The following LEP variants were observed in gnomAD, a reference collection of about 807,000 sequenced individuals.
LEP encodes the protein leptin.
In LEP, 6 loss-of-function variants were observed where a neutral mutation model predicts 9.8. The observed-to-expected ratio is 0.61, with a 90% CI of 0.34 to 1.21. The LOEUF is 1.21. LEP is among the 50% of genes most tolerant of loss of function. The pLI is 0.04. For synonymous variants in LEP, 112 were observed against 81.7 expected (o/e 1.37, Z -2.00); for missense variants, 134 against 198.1 (o/e 0.68, Z 1.94).
At position 128,254,859 on chromosome 7, in the gene LEP, C is replaced by G. The variant is rs1186604549; in HGVS notation, c.*96C>G. 2 of 1,354,390 alleles carry G rather than the reference C, an allele frequency of 1.5e-6. No individual in the cohort carries two copies. The highest frequency in any genetic ancestry group is 4.7e-5 in the East Asian group (2 of 42,576). The allele number at this position is 1,354,390 out of a possible 1,614,324, so 83.9% of individuals were successfully genotyped here. A position where few individuals can be genotyped will look rare whatever the true frequency, so the allele number is the denominator to read the frequency against. ...GATTGAAGAGCATTGCATGGACACC[C>G]CTTATCCAGGACTCTGTCAATTTCC... On this transcript the variant is annotated 3_prime_UTR_variant, in exon 3 of 3. Transcript: ENST00000308868.
In LEP at chr7:128,254,122, TG is replaced by T. The variant is rs1277468320; in HGVS notation, c.145-280del. The stretch of plus-strand genomic sequence containing the variant: ...TAAATAAAACATATGAAACCATGGC[TG>T]GTTCTTCAGCAGAGGCCATGTAGAG... On this transcript the variant is annotated intron_variant, in intron 2 of 2. Coordinates refer to ENST00000308868, the MANE Select transcript of LEP (RefSeq NM_000230.3). Among the ~76,000 whole-genome samples, 25 of 152,206 alleles carry T rather than the reference TG, an allele frequency of 1.6e-4. 1 individual carries two copies. The East Asian group carries it at 4.3e-3, about 26-fold the overall frequency.
At chr7:128,248,223 G>A (rs572411756) in intron 1 of LEP, among the ~76,000 whole-genome samples, 1 of 152,314 alleles carries the variant, frequency 6.6e-6, no homozygotes, top group Non-Finnish European at 1.5e-5. Flanking sequence ...ATGAGGTCAG[G>A]AGTTCGAGAC....
At chr7:128,243,488 G>A (rs1004414584) in intron 1 of LEP, among the ~76,000 whole-genome samples, 21 of 152,134 alleles carry the variant, frequency 1.4e-4, no homozygotes, top group Non-Finnish European at 2.5e-4. Context: ...AAGGGGCCAC[G>A]GGCGGGAGTA....
At chr7:128,251,774 GT>G (rs2116221416) in intron 1 of LEP, among the ~76,000 whole-genome samples, 1 of 152,312 alleles carries the variant, frequency 6.6e-6, no homozygotes, top group Non-Finnish European at 1.5e-5. Context: ...ATACCTCATG[GT>G]GGTTTTATTG....
At chr7:128,244,362 C>T (rs1421191569) in intron 1 of LEP, among the ~76,000 whole-genome samples, 1 of 152,122 alleles carries the variant, frequency 6.6e-6, no homozygotes, top group African/African-American at 2.4e-5. Context: ...AAGAATGTAA[C>T]CCCTGTACTC....
Position 128,241,634 on chromosome 7 carries a change from C to G in LEP, c.-29+328C>G, listed in dbSNP as rs566092459. Among the ~76,000 whole-genome samples, 3 of 152,322 alleles carry G rather than the reference C, an allele frequency of 2.0e-5. No homozygotes were observed. In the South Asian group the frequency reaches 6.2e-4, roughly 32 times the overall value. ...GCATTGGAAATTGCCTTGGGCACAT[C>G]CCCAAAGATCAGGATGTCCCACCCC... On this transcript the variant is annotated intron_variant, in intron 1 of 2. Transcript: ENST00000308868.
chr7:128,252,216 C>T (rs1272319964), intron 2 of LEP, 54 bp downstream of exon 2: 21 of 1,586,568 alleles, frequency 1.3e-5, no homozygotes, highest in Non-Finnish European at 1.8e-5. Flanking sequence ...AGCACTGGCT[C>T]CTAGTGGCAC....
Position 128,246,572 on chromosome 7 carries a change from G to A in LEP, c.-29+5266G>A, listed in dbSNP as rs1795213569. ...GGGCTCAGGCAAACCTCCCACCTTG[G>A]CCTCCCAAGTAGCTGGGACCACAAG... On this transcript the variant is annotated intron_variant, in intron 1 of 2. Coordinates refer to ENST00000308868, the MANE Select transcript of LEP (RefSeq NM_000230.3). Among the ~76,000 whole-genome samples, 2 of 152,044 alleles carry A rather than the reference G, an allele frequency of 1.3e-5. 1 individual carries two copies. Among genetic ancestry groups the A allele is most frequent in the South Asian group, 4.2e-4 (2 of 4,806 alleles).
At chr7:128,244,612 A>C (rs911553795) in intron 1 of LEP, among the ~76,000 whole-genome samples, 1 of 152,244 alleles carries the variant, frequency 6.6e-6, no homozygotes, top group Non-Finnish European at 1.5e-5. Context: ...TATATTTAGA[A>C]AGTTGAAAGC....
rs200054213 is a variant in LEP, at chr7:128,256,659, T to C, written c.*1896T>C. 1 of 152,268 alleles carries C rather than the reference T, an allele frequency of 6.6e-6. No individual in the cohort carries two copies. The highest frequency in any genetic ancestry group is 1.5e-5 in the Non-Finnish European group (1 of 68,052). 9.4% of individuals were successfully genotyped at this position (152,268 alleles called of 1,614,324 possible). A position where few individuals can be genotyped will look rare whatever the true frequency, so the allele number is the denominator to read the frequency against. ...TTGCACTTTGTAACATGTTTACTTT[T>C]CAGGGCATCTTAGCTTCTATTATAG... On this transcript the variant is annotated 3_prime_UTR_variant, in exon 3 of 3. Transcript: ENST00000308868.
chr7:128,251,919 G>A (rs925327000), intron 1 of LEP, 72 bp from the exon 2 acceptor site: 7 of 1,211,760 alleles, frequency 5.8e-6, no homozygotes, highest in Non-Finnish European at 8.6e-6. Context: ...CTGGTAATGT[G>A]GTTGGTAATG....
At chr7:128,254,181 T>C (rs572771182) in intron 2 of LEP, among the ~76,000 whole-genome samples, 1 of 151,810 alleles carries the variant, frequency 6.6e-6, no homozygotes, top group South Asian at 2.1e-4. Context: ...GGCCTGGAAG[T>C]GGAGGGAAGG....
rs545503888 is a variant in LEP, at chr7:128,248,157, G to A, written c.-28-3834G>A. Among the ~76,000 whole-genome samples the A allele has an allele frequency of 3.9e-5, 6 of 152,300 alleles. No individual in the cohort carries two copies. The South Asian group carries it at 8.3e-4, about 21-fold the overall frequency. On this transcript the variant is annotated intron_variant, in intron 1 of 2. Transcript: ENST00000308868. ...AAAATACAAAAAAATGAGGCTGGGC[G>A]TGATGACTCACACCTGTAATCCCAG...
intron 1 of LEP, among the ~76,000 whole-genome samples, chr7:128,246,716 G>A (rs1313475523): frequency 1.3e-5 from 2 of 151,958 alleles, no homozygotes; most frequent in Non-Finnish European, 2.9e-5. Context: ...TCCTGCCTTG[G>A]CCTCCCAAAG....
At chr7:128,243,528 G>A (rs778819994) in intron 1 of LEP, among the ~76,000 whole-genome samples, 2 of 152,206 alleles carry the variant, frequency 1.3e-5, no homozygotes, top group Admixed American at 6.5e-5. Flanking sequence ...ATGGAGCACA[G>A]CTTAGGAAGC....
intron 1 of LEP, among the ~76,000 whole-genome samples, chr7:128,247,058 T>G (rs748596634): frequency 2.0e-5 from 3 of 151,660 alleles, no homozygotes; most frequent in African/African-American, 4.9e-5. Flanking sequence ...GAGGAAAGAA[T>G]GATGCTGTAT....
At chr7:128,252,539 G>A (rs1795287820) in intron 2 of LEP, among the ~76,000 whole-genome samples, 1 of 152,102 alleles carries the variant, frequency 6.6e-6, no homozygotes, top group African/African-American at 2.4e-5. Context: ...AGACCAGCCT[G>A]GGCAGCATAG....
intron 2 of LEP, 70 bp downstream of exon 2, chr7:128,252,232 C>T: frequency 6.5e-7 from 1 of 1,537,296 alleles, no homozygotes. Context: ...GGCACTGGAC[C>T]CAGATAGTCC....
At position 128,255,689 on chromosome 7, in the gene LEP, A is replaced by T. The variant is rs1584608665; in HGVS notation, c.*926A>T. 1 of 152,008 alleles carries T rather than the reference A, an allele frequency of 6.6e-6. No homozygotes were observed. The highest frequency in any genetic ancestry group is 1.5e-5 in the Non-Finnish European group (1 of 68,014). The allele number at this position is 152,008 out of a possible 1,614,324, so 9.4% of individuals were successfully genotyped here. A position where few individuals can be genotyped will look rare whatever the true frequency, so the allele number is the denominator to read the frequency against. On this transcript the variant is annotated 3_prime_UTR_variant, in exon 3 of 3. Coordinates refer to ENST00000308868, the MANE Select transcript of LEP (RefSeq NM_000230.3). ...TGGTGGGTTCTTTGGAAGGAGTGAG[A>T]TCATTTTCTTATCTTCTGCAATTGC... is the stretch of plus-strand genomic sequence containing the variant.
Sources: allele counts gnomAD v4.1 joint callset (sites outside exome capture counted in the v4.1 genomes callset), GRCh38; gene constraint gnomAD v4.1.1; transcripts MANE v1.5; gene names NCBI Gene and HGNC (gene_info 2026-07-23, HGNC 2026-07-21).